KCNH8: variants seen among roughly 807,000 people sequenced by gnomAD.
KCNH8 encodes voltage-gated delayed rectifier potassium channel KCNH8.
KCNH8 carries 70 observed loss-of-function variants against 103.6 expected under a neutral mutation model. That is an observed-to-expected ratio of 0.68 (90% CI 0.56 to 0.82). KCNH8 has a LOEUF of 0.82. Among genes scored for constraint, KCNH8 ranks in the 40% least tolerant of loss-of-function variants. The probability of loss-of-function intolerance (pLI) is 0.00; values close to 1 mark genes in which losing one functional copy is unlikely to be tolerated. For synonymous variants in KCNH8, 498 were observed against 489.4 expected, an observed-to-expected ratio of 1.02 and a Z score of -0.23; for missense variants, 1,217 against 1,329.9, an observed-to-expected ratio of 0.92 and a Z score of 1.32.
chr3:19,507,061 G>C (rs904979016), intron 11 of KCNH8, among the ~76,000 whole-genome samples: 2 of 152,120 alleles, frequency 1.3e-5, no homozygotes, highest in Non-Finnish European at 2.9e-5. Context: ...CAGCGCCCCT[G>C]CCACTGGAAA....
chr3:19,182,606 T>C (rs2063465242), intron 1 of KCNH8, among the ~76,000 whole-genome samples: 1 of 152,156 alleles, frequency 6.6e-6, no homozygotes, highest in Admixed American at 6.5e-5. Flanking sequence ...AGCCCTGATA[T>C]AATCCTGTGA....
intron 1 of KCNH8, among the ~76,000 whole-genome samples, chr3:19,217,620 T>C (rs926894830): frequency 2.6e-5 from 4 of 152,216 alleles, no homozygotes; most frequent in Non-Finnish European, 4.4e-5. Context: ...GTTACAGATA[T>C]GTAAACTGAG....
intron 1 of KCNH8, among the ~76,000 whole-genome samples, chr3:19,206,168 G>GTGTATA (rs979868166): frequency 2.2e-5 from 3 of 139,260 alleles, no homozygotes; most frequent in African/African-American, 8.6e-5. Context: ...TGGTGTGTGT[G>GTGTATA]TATATATATA....
rs1300327116 is a variant in KCNH8, at chr3:19,335,455, ATGTG to A, written c.443-7122_443-7119del. Reference sequence around the variant, plus strand: ...TATATATGTGTGTGTGTATATATATATGTGTGTGTGTGTATATATATGTGTGTGT... The same window carrying A: ...TATATATGTGTGTGTGTATATATATATGTGTGTGTATATATATGTGTGTGT... On this transcript the variant is annotated intron_variant, in intron 3 of 15. Transcript: ENST00000328405. 5.0e-5 allele frequency among the ~76,000 whole-genome samples: 7 copies of A among 140,618 alleles called. 1 individual carries two copies. In the South Asian group the frequency reaches 1.1e-3, roughly 23 times the overall value. The allele number at this position is 140,618 out of a possible 152,430, so 92.3% of individuals were successfully genotyped here. A position where few individuals can be genotyped will look rare whatever the true frequency, so the allele number is the denominator to read the frequency against.
At chr3:19,381,780 A>G (rs1405082057) in intron 5 of KCNH8, among the ~76,000 whole-genome samples, 1 of 152,204 alleles carries the variant, frequency 6.6e-6, no homozygotes, top group African/African-American at 2.4e-5. Flanking sequence ...TGCATATAAG[A>G]AAGTGAATTC....
In KCNH8 at chr3:19,363,839, C is replaced by T. The variant is rs541765104; in HGVS notation, c.811+15874C>T. 6.6e-5 allele frequency among the ~76,000 whole-genome samples: 10 copies of T among 152,156 alleles called. No homozygotes were observed. In the South Asian group the frequency reaches 2.1e-3, roughly 32 times the overall value. ...AGCAAATCCCAATTTATAGTATAGT[C>T]ATTTTCCTGAAAACTGCAAAGATGT... is the stretch of plus-strand genomic sequence containing the variant. On this transcript the variant is annotated intron_variant, in intron 5 of 15. Coordinates refer to ENST00000328405, the MANE Select transcript of KCNH8 (RefSeq NM_144633.3).
intron 8 of KCNH8, among the ~76,000 whole-genome samples, chr3:19,443,915 T>G (rs1435954463): frequency 6.6e-6 from 1 of 152,024 alleles, no homozygotes; most frequent in Non-Finnish European, 1.5e-5. Flanking sequence ...ATGGTGATGG[T>G]TGCTAACAAT....
intron 5 of KCNH8, among the ~76,000 whole-genome samples, chr3:19,374,347 C>T (rs1006133393): frequency 2.6e-5 from 4 of 151,456 alleles, no homozygotes; most frequent in Non-Finnish European, 2.9e-5. Context: ...TGAATTGATC[C>T]CTTTACCATT....
intron 8 of KCNH8, chr3:19,449,093 G>C (rs2067404534): frequency 2.0e-6 from 1 of 498,430 alleles, no homozygotes; most frequent in Admixed American, 2.5e-5. Context: ...TGGAAAGTGA[G>C]GTCCATCCTT....
intron 1 of KCNH8, among the ~76,000 whole-genome samples, chr3:19,170,050 T>C (rs187553618): frequency 6.6e-6 from 1 of 152,348 alleles, no homozygotes; most frequent in Admixed American, 6.5e-5. Context: ...CACATCCCTG[T>C]GTTCCAGCCT....
At chr3:19,272,480 T>C (rs1451617204) in intron 2 of KCNH8, among the ~76,000 whole-genome samples, 1 of 152,042 alleles carries the variant, frequency 6.6e-6, no homozygotes, top group Non-Finnish European at 1.5e-5. Flanking sequence ...TAGCCAATGA[T>C]TGAGTGAGGC....
chr3:19,225,775 A>G (rs190600321), intron 1 of KCNH8, among the ~76,000 whole-genome samples: 69 of 152,298 alleles, frequency 4.5e-4, no homozygotes, highest in Admixed American at 2.0e-3. Flanking sequence ...GCATTCATAG[A>G]TGGCTGATTC....
At chr3:19,393,369 G>C (rs2066467724) in intron 6 of KCNH8, among the ~76,000 whole-genome samples, 2 of 152,028 alleles carry the variant, frequency 1.3e-5, no homozygotes, top group South Asian at 4.1e-4. Flanking sequence ...GAACTATGTG[G>C]GTCATCTGGA....
intron 1 of KCNH8, among the ~76,000 whole-genome samples, chr3:19,166,239 A>C (rs1461102427): frequency 3.9e-5 from 6 of 152,206 alleles, no homozygotes; most frequent in African/African-American, 1.4e-4. Flanking sequence ...TTTGTATCTT[A>C]AAATGGCTTT....
At chr3:19,414,440 A>T (rs960676230) in intron 7 of KCNH8, among the ~76,000 whole-genome samples, 8 of 152,078 alleles carry the variant, frequency 5.3e-5, no homozygotes, top group Non-Finnish European at 8.8e-5. Context: ...GAAAATACAA[A>T]TGTAAGAAAT....
chr3:19,169,405 C>A (rs992355810), intron 1 of KCNH8, among the ~76,000 whole-genome samples: 1 of 152,006 alleles, frequency 6.6e-6, no homozygotes, highest in Non-Finnish European at 1.5e-5. Context: ...ACTACAGGCG[C>A]CTGGCTAATT....
intron 1 of KCNH8, among the ~76,000 whole-genome samples, chr3:19,197,225 ACC>A (rs1021436626): frequency 6.6e-6 from 1 of 151,946 alleles, no homozygotes; most frequent in African/African-American, 2.4e-5. Flanking sequence ...AATTTAATCC[ACC>A]CCCAACAATT....
intron 3 of KCNH8, among the ~76,000 whole-genome samples, chr3:19,288,700 T>G (rs1000819401): frequency 6.6e-6 from 1 of 152,204 alleles, no homozygotes; most frequent in African/African-American, 2.4e-5. Flanking sequence ...TACGTGTACA[T>G]GTGTCTTTAT....
At chr3:19,259,136 C>T (rs541618171) in intron 2 of KCNH8, among the ~76,000 whole-genome samples, 14 of 151,112 alleles carry the variant, frequency 9.3e-5, no homozygotes, top group African/African-American at 3.4e-4. Context: ...TTCATTCTCA[C>T]GTCGCCATCA....
Sources: allele counts gnomAD v4.1 joint callset (sites outside exome capture counted in the v4.1 genomes callset), GRCh38; gene constraint gnomAD v4.1.1; transcripts MANE v1.5; gene names NCBI Gene and HGNC (gene_info 2026-07-23, HGNC 2026-07-21).